The following LDLRAD3 variants were observed in gnomAD, a reference collection of about 807,000 sequenced individuals.
LDLRAD3 encodes low density lipoprotein receptor class A domain containing 3.
In LDLRAD3, 20 loss-of-function variants were observed where a neutral mutation model predicts 29.4. The observed-to-expected ratio is 0.68, with a 90% CI of 0.48 to 0.99. The LOEUF is 0.99. LDLRAD3 is among the 50% of genes least tolerant of loss of function. The pLI, the probability that LDLRAD3 is intolerant of heterozygous loss-of-function variation, is 0.00. For synonymous variants in LDLRAD3, 157 were observed against 192.7 expected, an observed-to-expected ratio of 0.81 and a Z score of 1.53; for missense variants, 420 against 454.3, an observed-to-expected ratio of 0.92 and a Z score of 0.69.
intron 2 of LDLRAD3, among the ~76,000 whole-genome samples, chr11:36,041,106 T>C (rs1159157282): frequency 6.6e-6 from 1 of 152,206 alleles, no homozygotes; most frequent in Non-Finnish European, 1.5e-5. Context: ...CCCTCAGTGA[T>C]AGTTTTATCC....
intron 2 of LDLRAD3, among the ~76,000 whole-genome samples, chr11:36,038,826 C>T (rs530539430): frequency 6.6e-6 from 1 of 152,166 alleles, no homozygotes; most frequent in South Asian, 2.1e-4. Flanking sequence ...ACCATGCGCC[C>T]CAAACATACA....
At position 36,013,534 on chromosome 11, in the gene LDLRAD3, A is replaced by G. The variant is rs577723948; in HGVS notation, c.47-22569A>G. On this transcript the variant is annotated intron_variant, in intron 1 of 5. Coordinates refer to ENST00000315571, the MANE Select transcript of LDLRAD3 (RefSeq NM_174902.4). ...CATGTGTTCTCATTGTTCAACTCCC[A>G]CTTATGAGTGAGAACATGTGGTGTT... is the stretch of plus-strand genomic sequence containing the variant. 4.0e-5 allele frequency among the ~76,000 whole-genome samples: 5 copies of G among 125,372 alleles called. No homozygotes were observed. In the East Asian group the frequency reaches 9.9e-4, roughly 25 times the overall value. 82.2% of individuals were successfully genotyped at this position (125,372 alleles called of 152,430 possible).
intron 4 of LDLRAD3, among the ~76,000 whole-genome samples, chr11:36,184,599 AGGAGTACT>A (rs1854818688): frequency 6.6e-6 from 1 of 152,008 alleles, no homozygotes; most frequent in African/African-American, 2.4e-5. Flanking sequence ...ACAGGTTCCT[AGGAGTACT>A]ACCAGTTCAG....
chr11:35,967,391 G>A lies in LDLRAD3; in HGVS notation c.46+23247G>A, dbSNP rs1851355385. The A allele has an allele frequency of 1.2e-5, 3 of 258,498 alleles. No individual in the cohort carries two copies. The South Asian group carries it at 1.4e-4, about 12-fold the overall frequency. 16.0% of individuals were successfully genotyped at this position (258,498 alleles called of 1,614,324 possible). A position where few individuals can be genotyped will look rare whatever the true frequency, so the allele number is the denominator to read the frequency against. On this transcript the variant is annotated intron_variant, in intron 1 of 5. Transcript: ENST00000315571. The stretch of plus-strand genomic sequence containing the variant: ...GTTACTCTCATGGTTATGGTGCCTT[G>A]CAGCACTGTTGATGGGTAATGTCCT...
chr11:36,132,899 C>T (rs982263062), intron 4 of LDLRAD3, among the ~76,000 whole-genome samples: 2 of 152,212 alleles, frequency 1.3e-5, no homozygotes. Context: ...GCTTCCCAGC[C>T]ACGTGACCCT....
chr11:36,033,341 G>C (rs1852262873), intron 1 of LDLRAD3, among the ~76,000 whole-genome samples: 1 of 152,182 alleles, frequency 6.6e-6, no homozygotes, highest in Admixed American at 6.5e-5. Flanking sequence ...TGAGCCCCAT[G>C]GCTGGCAGGA....
At chr11:35,984,959 A>G (rs1236107126) in intron 1 of LDLRAD3, among the ~76,000 whole-genome samples, 1 of 134,960 alleles carries the variant, frequency 7.4e-6, no homozygotes, top group Non-Finnish European at 1.6e-5. Context: ...TTTTTCCCTG[A>G]GACAGGGTCC....
chr11:36,224,945 TAAC>T (rs1036297970), intron 4 of LDLRAD3, among the ~76,000 whole-genome samples: 62 of 152,252 alleles, frequency 4.1e-4, no homozygotes, highest in African/African-American at 1.4e-3. Flanking sequence ...AAAATAGCAA[TAAC>T]AACAGCACTC....
intron 4 of LDLRAD3, among the ~76,000 whole-genome samples, chr11:36,191,318 A>C (rs939667776): frequency 3.9e-5 from 6 of 152,092 alleles, no homozygotes; most frequent in Non-Finnish European, 7.4e-5. Flanking sequence ...AAAGAGGATC[A>C]CTTGATGCCA....
Position 36,007,658 on chromosome 11 carries a change from G to A in LDLRAD3, c.47-28445G>A, listed in dbSNP as rs533280806. ...ACACAAAACTGTTAGAACAGAAATG[G>A]TCTTATGGTCCATTTTATGAGCTGC... On this transcript the variant is annotated intron_variant, in intron 1 of 5. Coordinates refer to ENST00000315571, the MANE Select transcript of LDLRAD3 (RefSeq NM_174902.4). 2.0e-5 allele frequency among the ~76,000 whole-genome samples: 3 copies of A among 152,284 alleles called. No homozygotes were observed. The South Asian group carries it at 6.2e-4, about 32-fold the overall frequency.
intron 1 of LDLRAD3, among the ~76,000 whole-genome samples, chr11:36,033,684 A>G (rs1399194275): frequency 2.0e-5 from 3 of 152,144 alleles, no homozygotes; most frequent in Admixed American, 1.3e-4. Context: ...AACAGCTGGA[A>G]TGTGGGGGTT....
At chr11:36,051,814 T>G (rs573894448) in intron 2 of LDLRAD3, among the ~76,000 whole-genome samples, 2 of 152,258 alleles carry the variant, frequency 1.3e-5, no homozygotes, top group Non-Finnish European at 2.9e-5. Flanking sequence ...GAGTCGTCTC[T>G]CGAATAACCA....
chr11:35,980,794 G>A (rs766209837), intron 1 of LDLRAD3, among the ~76,000 whole-genome samples: 3 of 152,172 alleles, frequency 2.0e-5, no homozygotes, highest in Non-Finnish European at 4.4e-5. Context: ...CTTAGAGGTC[G>A]TTCTTGTTGC....
chr11:36,169,245 G>A (rs1854561266), intron 4 of LDLRAD3, among the ~76,000 whole-genome samples: 1 of 152,142 alleles, frequency 6.6e-6, no homozygotes. Flanking sequence ...TCAAACCAGG[G>A]TAATTGGGAT....
chr11:36,144,996 C>A (rs1238652923), intron 4 of LDLRAD3, among the ~76,000 whole-genome samples: 1 of 115,948 alleles, frequency 8.6e-6, no homozygotes, highest in Non-Finnish European at 1.9e-5. Context: ...GTCAGCCCCC[C>A]GCCCTGCCAG....
intron 2 of LDLRAD3, among the ~76,000 whole-genome samples, chr11:36,078,479 C>T (rs1433629952): frequency 2.0e-5 from 3 of 152,170 alleles, no homozygotes; most frequent in African/African-American, 7.2e-5. Context: ...TGCACACATC[C>T]GGCTGGGTTG....
At chr11:36,000,889 T>TTGAGAGCCAG (rs998495876) in intron 1 of LDLRAD3, among the ~76,000 whole-genome samples, 8 of 151,796 alleles carry the variant, frequency 5.3e-5, no homozygotes, top group African/African-American at 1.7e-4. Context: ...GGTGGGCGGG[T>TTGAGAGCCAG]AGGGGATGCT....
intron 4 of LDLRAD3, among the ~76,000 whole-genome samples, chr11:36,116,677 A>T (rs577203175): frequency 1.9e-3 from 282 of 147,564 alleles, no homozygotes; most frequent in African/African-American, 6.6e-3. Flanking sequence ...CTAAAAAAAT[A>T]AAAAATAAAA....
chr11:35,998,989 A>G (rs1349699539), intron 1 of LDLRAD3, among the ~76,000 whole-genome samples: 1 of 152,188 alleles, frequency 6.6e-6, no homozygotes, highest in African/African-American at 2.4e-5. Context: ...ACATTTAATG[A>G]GGGCCAACTC....
Sources: allele counts gnomAD v4.1 joint callset (sites outside exome capture counted in the v4.1 genomes callset), GRCh38; gene constraint gnomAD v4.1.1; transcripts MANE v1.5; gene names NCBI Gene and HGNC (gene_info 2026-07-23, HGNC 2026-07-21).